The following RBFOX1 variants were observed in gnomAD, a reference collection of about 807,000 sequenced individuals.
The protein encoded by RBFOX1 is RNA binding fox-1 homolog 1, also known as RNA binding protein fox-1 homolog 1.
In RBFOX1, 8 loss-of-function variants were observed where a neutral mutation model predicts 57.7. The observed-to-expected ratio is 0.14, with a 90% CI of 0.08 to 0.25. RBFOX1 has a LOEUF of 0.25. Among genes scored for constraint, RBFOX1 ranks in the 10% least tolerant of loss-of-function variants. The probability of loss-of-function intolerance (pLI) is 1.00; values close to 1 mark genes in which losing one functional copy is unlikely to be tolerated. For synonymous variants in RBFOX1, 326 were observed against 222.4 expected (o/e 1.47, Z -4.15); for missense variants, 611 against 548.5 (o/e 1.11, Z -1.14).
intron 1 of RBFOX1, among the ~76,000 whole-genome samples, chr16:5,248,646 G>C (rs1450490082): frequency 1.3e-5 from 2 of 152,076 alleles, no homozygotes; most frequent in Non-Finnish European, 2.9e-5. Context: ...GGGGGTGCAG[G>C]GTGTGCCCAG....
intron 3 of RBFOX1, among the ~76,000 whole-genome samples, chr16:6,906,604 C>G (rs532677678): frequency 6.6e-6 from 1 of 152,206 alleles, no homozygotes; most frequent in Admixed American, 6.5e-5. Flanking sequence ...TCCAGTAAAT[C>G]CTGATAGGTT....
At chr16:7,306,897 CACT>C (rs2096202371) in intron 4 of RBFOX1, among the ~76,000 whole-genome samples, 1 of 152,064 alleles carries the variant, frequency 6.6e-6, no homozygotes, top group Non-Finnish European at 1.5e-5. Context: ...ACCCAGACAC[CACT>C]ACTATATTTT....
intron 4 of RBFOX1, among the ~76,000 whole-genome samples, chr16:5,933,843 T>C (rs979887233): frequency 1.3e-5 from 2 of 152,010 alleles, no homozygotes; most frequent in African/African-American, 4.8e-5. Context: ...GTTTGTTATA[T>C]AGGTAAACTC....
At chr16:5,440,234 G>A (rs2151536662) in intron 1 of RBFOX1, among the ~76,000 whole-genome samples, 1 of 152,258 alleles carries the variant, frequency 6.6e-6, no homozygotes, top group East Asian at 1.9e-4. Context: ...GGTAATTCTA[G>A]GATCTTTGGT....
intron 1 of RBFOX1, among the ~76,000 whole-genome samples, chr16:6,165,043 T>C (rs2096907207): frequency 6.6e-6 from 1 of 152,142 alleles, no homozygotes; most frequent in Admixed American, 6.6e-5. Flanking sequence ...ACTTAAGCAT[T>C]TGGATTCTGA....
Position 6,715,888 on chromosome 16 carries a change from C to T in RBFOX1, c.-16+61238C>T, listed in dbSNP as rs986404012. On this transcript the variant is annotated intron_variant, in intron 3 of 15. Coordinates refer to ENST00000550418, the MANE Select transcript of RBFOX1 (RefSeq NM_018723.4). Reference sequence around the variant, plus strand: ...GTATGAAGCCCCTTTGGGGTCAAGGCTCAGCCTGCTACTATTACAGCCTCA... The same window carrying T: ...GTATGAAGCCCCTTTGGGGTCAAGGTTCAGCCTGCTACTATTACAGCCTCA... 3.3e-5 allele frequency among the ~76,000 whole-genome samples: 5 copies of T among 152,198 alleles called. No individual in the cohort carries two copies. The East Asian group carries it at 9.6e-4, about 29-fold the overall frequency.
At chr16:7,631,663 G>C (rs1168126230) in intron 11 of RBFOX1, among the ~76,000 whole-genome samples, 1 of 152,170 alleles carries the variant, frequency 6.6e-6, no homozygotes, top group Non-Finnish European at 1.5e-5. Context: ...TCTCAGAGTA[G>C]TTGTAAAAGG....
chr16:7,118,356 C>A (rs1271280135), intron 4 of RBFOX1, among the ~76,000 whole-genome samples: 1 of 150,948 alleles, frequency 6.6e-6, no homozygotes, highest in Non-Finnish European at 1.5e-5. Context: ...GCATTTTTTT[C>A]ATGTTTCTTG....
intron 1 of RBFOX1, among the ~76,000 whole-genome samples, chr16:6,243,833 C>T (rs2097553430): frequency 6.6e-6 from 1 of 152,092 alleles, no homozygotes; most frequent in Non-Finnish European, 1.5e-5. Flanking sequence ...GAGATCCTGC[C>T]TGAGATGAAA....
At chr16:5,520,805 C>T (rs2043982623) in intron 2 of RBFOX1, among the ~76,000 whole-genome samples, 1 of 152,220 alleles carries the variant, frequency 6.6e-6, no homozygotes, top group African/African-American at 2.4e-5. Flanking sequence ...GTTTGGCTAT[C>T]TGAGCAGAAG....
rs944925496 is a variant in RBFOX1, at chr16:6,427,725, TATA to T, written c.-64+110671_-64+110673del. 4.7e-4 allele frequency among the ~76,000 whole-genome samples: 72 copies of T among 152,172 alleles called. 3 individuals are homozygous for T. Among genetic ancestry groups the T allele is most frequent in the Non-Finnish European group, 4.4e-5 (3 of 68,020 alleles). Reference sequence around the variant, plus strand: ...CTATCTGCCATGATGTGATATGATTTATAATGATTTAAACAGTTGTATTATCAG... The same window carrying T: ...CTATCTGCCATGATGTGATATGATTTATGATTTAAACAGTTGTATTATCAG... On this transcript the variant is annotated intron_variant, in intron 2 of 15. Coordinates refer to ENST00000550418, the MANE Select transcript of RBFOX1 (RefSeq NM_018723.4).
At chr16:6,925,355 C>T (rs931602843) in intron 3 of RBFOX1, among the ~76,000 whole-genome samples, 6 of 151,518 alleles carry the variant, frequency 4.0e-5, no homozygotes, top group Non-Finnish European at 7.4e-5. Flanking sequence ...GAACTCCTGA[C>T]CTCAGGCGAT....
intron 3 of RBFOX1, among the ~76,000 whole-genome samples, chr16:7,019,039 G>C (rs1282384331): frequency 6.6e-6 from 1 of 151,996 alleles, no homozygotes; most frequent in Admixed American, 6.6e-5. Flanking sequence ...GAAAAAAACT[G>C]TTCCTGGTTT....
chr16:6,481,281 G>A (rs776647800), intron 2 of RBFOX1, among the ~76,000 whole-genome samples: 6 of 152,156 alleles, frequency 3.9e-5, no homozygotes, highest in Admixed American at 6.5e-5. Flanking sequence ...GGGCCTTCAT[G>A]TCCCTTTGGG....
At chr16:6,884,362 C>T (rs112863661) in intron 3 of RBFOX1, among the ~76,000 whole-genome samples, 3,122 of 152,276 alleles carry the variant, frequency 0.021, 49 homozygotes, top group Non-Finnish European at 0.031. Flanking sequence ...AGTCACTTGA[C>T]AACAGTTGCT....
intron 1 of RBFOX1, among the ~76,000 whole-genome samples, chr16:6,237,339 G>A (rs1425080986): frequency 6.6e-6 from 1 of 152,168 alleles, no homozygotes; most frequent in Non-Finnish European, 1.5e-5. Context: ...GGCAGTGCTT[G>A]GGCAAGTTTC....
At chr16:7,122,662 G>T (rs1005239642) in intron 4 of RBFOX1, among the ~76,000 whole-genome samples, 4 of 152,086 alleles carry the variant, frequency 2.6e-5, no homozygotes, top group Non-Finnish European at 4.4e-5. Flanking sequence ...CATTTTGACA[G>T]TCCGTTACAA....
Position 5,245,771 on chromosome 16 carries a change from A to C in RBFOX1, c.219+5666A>C, listed in dbSNP as rs1596294259. The stretch of plus-strand genomic sequence containing the variant: ...ATTTTTATGAAATATTTTCAAACAC[A>C]TTTTACTATACATTGGAAAAGTCAA... On this transcript the variant is annotated intron_variant, in intron 1 of 2. Transcript: ENST00000585867. 2.8e-5 allele frequency among the ~76,000 whole-genome samples: 4 copies of C among 140,714 alleles called. No individual in the cohort carries two copies. In the East Asian group the frequency reaches 8.5e-4, roughly 30 times the overall value. 92.3% of individuals were successfully genotyped at this position (140,714 alleles called of 152,430 possible).
chr16:5,956,332 A>G (rs2059638644), intron 4 of RBFOX1, among the ~76,000 whole-genome samples: 4 of 152,170 alleles, frequency 2.6e-5, no homozygotes, highest in Admixed American at 2.0e-4. Flanking sequence ...TGAATTTTAC[A>G]TAAACAATGA....
Sources: allele counts gnomAD v4.1 joint callset (sites outside exome capture counted in the v4.1 genomes callset), GRCh38; gene constraint gnomAD v4.1.1; transcripts MANE v1.5; gene names NCBI Gene and HGNC (gene_info 2026-07-23, HGNC 2026-07-21).